NBAS: variants seen among roughly 807,000 people sequenced by gnomAD.
NBAS encodes NAG/BC035112 fusion.
NBAS carries 219 observed loss-of-function variants against 302.5 expected under a neutral mutation model. The observed-to-expected ratio is 0.72, with a 90% CI of 0.65 to 0.81. NBAS has a LOEUF of 0.81. Among genes scored for constraint, NBAS ranks in the 30% least tolerant of loss-of-function variants. The probability of loss-of-function intolerance (pLI) is 0.00; values close to 1 mark genes in which losing one functional copy is unlikely to be tolerated. For synonymous variants in NBAS, 1,118 were observed against 1,021.6 expected (o/e 1.09, Z -1.80); for missense variants, 2,932 against 2,841.6 (o/e 1.03, Z -0.72).
the NBAS span, among the ~76,000 whole-genome samples, chr2:15,028,016 A>G: frequency 6.6e-6 from 1 of 152,188 alleles, no homozygotes; most frequent in Non-Finnish European, 1.5e-5. Flanking sequence ...CTTTTGATAC[A>G]TCGCTGGGAC....
At chr2:15,129,864 G>T in the NBAS span, among the ~76,000 whole-genome samples, 1 of 152,176 alleles carries the variant, frequency 6.6e-6, no homozygotes, top group Non-Finnish European at 1.5e-5. Context: ...AGGAGCAAAG[G>T]CATACCGTGT....
chr2:15,327,886 A>C lies in NBAS; in HGVS notation c.4462-16T>G, dbSNP rs559694181. ...TCCCTTCAGACTACACAAAAGAAGC[A>C]GTTTCACTATCTAGTAGGGTGCCTT... On this transcript the variant is annotated splice_polypyrimidine_tract_variant and intron_variant, in intron 37 of 51. Transcript: ENST00000281513. 3.1e-6 allele frequency: 5 copies of C among 1,613,416 alleles called. No individual in the cohort carries two copies. In the African/African-American group the frequency reaches 5.3e-5, roughly 17 times the overall value.
chr2:15,549,105 C>T (rs897898694), intron 6 of NBAS, among the ~76,000 whole-genome samples: 11 of 152,040 alleles, frequency 7.2e-5, no homozygotes, highest in Admixed American at 3.9e-4. Context: ...GACACTATGC[C>T]GAGAGTTTTA....
At chr2:14,998,638 A>G in the NBAS span, among the ~76,000 whole-genome samples, 2 of 152,192 alleles carry the variant, frequency 1.3e-5, no homozygotes, top group African/African-American at 4.8e-5. Context: ...CCTTCCCTTC[A>G]CAGTTCCACA....
chr2:15,365,007 G>A lies in NBAS; in HGVS notation c.3817+1573C>T, dbSNP rs183150666. Among the ~76,000 whole-genome samples, 5 of 152,250 alleles carry A rather than the reference G, an allele frequency of 3.3e-5. No homozygotes were observed. In the East Asian group the frequency reaches 9.6e-4, roughly 29 times the overall value. On this transcript the variant is annotated intron_variant, in intron 32 of 51. Coordinates refer to ENST00000281513, the MANE Select transcript of NBAS (RefSeq NM_015909.4). The stretch of plus-strand genomic sequence containing the variant: ...TTCTTAATTCCCCAGGCAAAAATTA[G>A]CACGGCCTTTCTTCGAGTCTTCTAT...
chr2:15,371,021 T>C (rs923605350), intron 31 of NBAS, among the ~76,000 whole-genome samples: 4 of 152,148 alleles, frequency 2.6e-5, no homozygotes, highest in Admixed American at 6.5e-5. Flanking sequence ...TCAAATTTCA[T>C]CTTCAATTGC....
chr2:14,963,907 C>T, the NBAS span, among the ~76,000 whole-genome samples: 2 of 152,204 alleles, frequency 1.3e-5, no homozygotes, highest in Non-Finnish European at 2.9e-5. Context: ...CAGGCTGGAA[C>T]ATCTCATAAT....
chr2:15,289,512 A>G (rs1156436806), intron 41 of NBAS, among the ~76,000 whole-genome samples: 3 of 152,230 alleles, frequency 2.0e-5, no homozygotes, highest in Admixed American at 6.5e-5. Flanking sequence ...TTATGGGGTT[A>G]TGGCACATTG....
chr2:15,196,073 G>A (rs981475539), intron 48 of NBAS, among the ~76,000 whole-genome samples: 2 of 152,124 alleles, frequency 1.3e-5, no homozygotes, highest in African/African-American at 2.4e-5. Context: ...ATGTACTTTC[G>A]TTCCTTTCAT....
At chr2:14,843,509 G>A in the NBAS span, among the ~76,000 whole-genome samples, 1 of 151,392 alleles carries the variant, frequency 6.6e-6, no homozygotes, top group Admixed American at 6.6e-5. Flanking sequence ...AGGCTCCACT[G>A]ATCATCCTCC....
chr2:15,198,209 AT>A (rs1374164075), intron 48 of NBAS, among the ~76,000 whole-genome samples: 1 of 152,210 alleles, frequency 6.6e-6, no homozygotes, highest in Non-Finnish European at 1.5e-5. Flanking sequence ...TCATTTATAT[AT>A]TTAGTTTCAC....
At chr2:15,452,547 CA>C (rs1386753260) in intron 21 of NBAS, among the ~76,000 whole-genome samples, 1 of 149,170 alleles carries the variant, frequency 6.7e-6, no homozygotes, top group Non-Finnish European at 1.5e-5. Flanking sequence ...GAGATCGCGC[CA>C]CTGCACTCCA....
the NBAS span, among the ~76,000 whole-genome samples, chr2:14,950,631 G>A: frequency 2.0e-5 from 3 of 152,132 alleles, no homozygotes; most frequent in Admixed American, 6.5e-5. Flanking sequence ...GCAGGTAACA[G>A]GTGAGGACAA....
the NBAS span, among the ~76,000 whole-genome samples, chr2:15,009,728 T>C: frequency 8.9e-6 from 1 of 112,146 alleles, no homozygotes; most frequent in Admixed American, 8.4e-5. Context: ...ATACGGTGCA[T>C]ATGTATGTGT....
chr2:15,217,997 C>A (rs1447426545), intron 48 of NBAS, among the ~76,000 whole-genome samples: 1 of 152,052 alleles, frequency 6.6e-6, no homozygotes, highest in Non-Finnish European at 1.5e-5. Context: ...ACTGAGTGAG[C>A]CTTGAAGTAT....
At chr2:15,164,571 G>A (rs538563684), downstream of NBAS, among the ~76,000 whole-genome samples, 1 of 152,082 alleles carries the variant, frequency 6.6e-6, no homozygotes, top group South Asian at 2.1e-4. Context: ...CGCGTCCCAG[G>A]AAGCAAAGCT....
the NBAS span, among the ~76,000 whole-genome samples, chr2:14,814,985 T>C: frequency 2.4e-3 from 365 of 152,288 alleles, no homozygotes; most frequent in African/African-American, 8.0e-3. Context: ...GTAGCACTTT[T>C]CACTTTGCTC....
At chr2:15,476,177 G>T (rs1680183224) in intron 13 of NBAS, among the ~76,000 whole-genome samples, 1 of 152,102 alleles carries the variant, frequency 6.6e-6, no homozygotes, top group Non-Finnish European at 1.5e-5. Flanking sequence ...ATACACTCAG[G>T]AGAGAGATGT....
intron 2 of NBAS, 49 bp downstream of exon 2, chr2:15,558,531 T>A: frequency 6.6e-7 from 1 of 1,504,076 alleles, no homozygotes; most frequent in Non-Finnish European, 9.2e-7. Context: ...AAAGAACACA[T>A]TTTAACTGTT....
Sources: allele counts gnomAD v4.1 joint callset (sites outside exome capture counted in the v4.1 genomes callset), GRCh38; gene constraint gnomAD v4.1.1; transcripts MANE v1.5; gene names NCBI Gene and HGNC (gene_info 2026-07-23, HGNC 2026-07-21).